ME3: variants seen among roughly 807,000 people sequenced by gnomAD.
ME3 encodes malic enzyme 3.
A neutral mutation model predicts 68.9 loss-of-function variants in ME3; 48 were observed. That is an observed-to-expected ratio of 0.70 (90% CI 0.55 to 0.89). ME3 has a LOEUF of 0.89. Ranked by LOEUF, ME3 falls within the 40% of genes least tolerant of loss-of-function variation. The pLI, the probability that ME3 is intolerant of heterozygous loss-of-function variation, is 0.00. For synonymous variants in ME3, 320 were observed against 318.8 expected (o/e 1.00, Z -0.04); for missense variants, 675 against 797.4 (o/e 0.85, Z 1.85).
At chr11:86,493,783 G>A (rs1003211612) in intron 6 of ME3, among the ~76,000 whole-genome samples, 11 of 152,200 alleles carry the variant, frequency 7.2e-5, no homozygotes, top group Non-Finnish European at 1.5e-5. Context: ...GACAGCAGAT[G>A]TTTTCCTTCA....
chr11:86,488,578 T>C (rs186761877), intron 6 of ME3, among the ~76,000 whole-genome samples: 73 of 152,278 alleles, frequency 4.8e-4, no homozygotes, highest in Non-Finnish European at 8.8e-4. Flanking sequence ...GCTCCTTCCA[T>C]CACAGCAGTC....
intron 4 of ME3, among the ~76,000 whole-genome samples, chr11:86,531,996 A>AG (rs1955280865): frequency 2.0e-5 from 3 of 151,972 alleles, no homozygotes; most frequent in African/African-American, 7.3e-5. Context: ...CCAAACCAAA[A>AG]AAAAACCAGA....
chr11:86,513,881 T>C (rs1413738608), intron 4 of ME3, among the ~76,000 whole-genome samples: 3 of 152,184 alleles, frequency 2.0e-5, no homozygotes, highest in Non-Finnish European at 4.4e-5. Context: ...GAAGATACCA[T>C]TTTCTCCAGC....
At chr11:86,529,484 G>A (rs1267026819) in intron 4 of ME3, among the ~76,000 whole-genome samples, 25 of 152,108 alleles carry the variant, frequency 1.6e-4, no homozygotes, top group Non-Finnish European at 2.9e-5. Context: ...AGAAAAAGAG[G>A]GAATCCTCCC....
intron 2 of ME3, among the ~76,000 whole-genome samples, chr11:86,623,941 C>G (rs1943503916): frequency 6.6e-6 from 1 of 152,216 alleles, no homozygotes; most frequent in Non-Finnish European, 1.5e-5. Context: ...TATGCCCACT[C>G]CCTCTCCAGC....
At chr11:86,631,711 G>A (rs1209596126) in intron 2 of ME3, among the ~76,000 whole-genome samples, 1 of 152,104 alleles carries the variant, frequency 6.6e-6, no homozygotes, top group African/African-American at 2.4e-5. Context: ...GGAAGCCTAC[G>A]GGCTGCCAGG....
chr11:86,658,703 G>A (rs550870718), intron 2 of ME3, among the ~76,000 whole-genome samples: 42 of 151,960 alleles, frequency 2.8e-4, no homozygotes, highest in African/African-American at 9.4e-4. Context: ...GCAGGCCCTC[G>A]CTCCTGGCAC....
At chr11:86,660,252 T>A (rs930963081) in intron 2 of ME3, among the ~76,000 whole-genome samples, 1 of 152,182 alleles carries the variant, frequency 6.6e-6, no homozygotes, top group East Asian at 1.9e-4. Flanking sequence ...GATCCTTCAG[T>A]CTTCCCCTCT....
intron 7 of ME3, among the ~76,000 whole-genome samples, chr11:86,470,245 G>C (rs1162267305): frequency 6.6e-6 from 1 of 152,120 alleles, no homozygotes; most frequent in Non-Finnish European, 1.5e-5. Context: ...CCTCTAAATA[G>C]AATGACTAAA....
intron 7 of ME3, 76 bp from the exon 8 acceptor site, chr11:86,465,276 G>C: frequency 9.0e-7 from 1 of 1,117,232 alleles, no homozygotes; most frequent in Non-Finnish European, 1.4e-6. Context: ...CTTGCACAGT[G>C]GGGTGGGGAG....
chr11:86,534,809 G>A (rs754947558), intron 4 of ME3, among the ~76,000 whole-genome samples: 4 of 152,102 alleles, frequency 2.6e-5, no homozygotes, highest in Non-Finnish European at 5.9e-5. Context: ...TTCCACTTGG[G>A]TTTGCTCTCT....
chr11:86,554,279 T>C (rs553246049), intron 4 of ME3, among the ~76,000 whole-genome samples: 1 of 152,178 alleles, frequency 6.6e-6, no homozygotes, highest in South Asian at 2.1e-4. Context: ...CAGAGTGGGG[T>C]AGACTTGAAT....
intron 4 of ME3, among the ~76,000 whole-genome samples, chr11:86,540,365 T>C (rs1955962747): frequency 6.6e-6 from 1 of 152,182 alleles, no homozygotes; most frequent in African/African-American, 2.4e-5. Context: ...CATTCTCTCT[T>C]ACATGTTAGC....
In ME3 at chr11:86,526,681, C is replaced by T. The variant is rs189116316; in HGVS notation, c.468-17814G>A. Among the ~76,000 whole-genome samples, 331 of 152,288 alleles carry T rather than the reference C, an allele frequency of 2.2e-3. 1 individual carries two copies. The highest frequency in any genetic ancestry group is 7.5e-3 in the African/African-American group (312 of 41,554). On this transcript the variant is annotated intron_variant, in intron 4 of 14. Coordinates refer to ENST00000543262, the Ensembl canonical transcript of ME3. ...CTGTGAGACAAAACTTCCAGAGGAACGATCAGGCAGCAACATTTGCTGTTC... is the reference window on the plus strand; with the variant it reads ...CTGTGAGACAAAACTTCCAGAGGAATGATCAGGCAGCAACATTTGCTGTTC...
chr11:86,573,062 G>T (rs1048836231), intron 2 of ME3, among the ~76,000 whole-genome samples: 3 of 113,916 alleles, frequency 2.6e-5, no homozygotes, highest in African/African-American at 6.3e-5. Context: ...ATGTTTGTTG[G>T]CCGCATAAAT....
intron 2 of ME3, among the ~76,000 whole-genome samples, chr11:86,615,420 G>A (rs953838286): frequency 1.3e-5 from 2 of 152,134 alleles, no homozygotes; most frequent in Non-Finnish European, 2.9e-5. Context: ...TTTTATGGAT[G>A]AAGAAATGGA....
chr11:86,599,600 A>G (rs1365336349), intron 2 of ME3, among the ~76,000 whole-genome samples: 1 of 152,198 alleles, frequency 6.6e-6, no homozygotes, highest in Non-Finnish European at 1.5e-5. Flanking sequence ...AATACAGAGA[A>G]CACCACAAAG....
At chr11:86,515,792 G>A (rs1594252131) in intron 4 of ME3, among the ~76,000 whole-genome samples, 1 of 152,214 alleles carries the variant, frequency 6.6e-6, no homozygotes, top group African/African-American at 2.4e-5. Context: ...CTCTCCTTGA[G>A]AATGAGTCAA....
chr11:86,508,616 A>G (rs1953265338), intron 5 of ME3, among the ~76,000 whole-genome samples, 176 bp downstream of exon 5: 1 of 152,138 alleles, frequency 6.6e-6, no homozygotes, highest in Non-Finnish European at 1.5e-5. Context: ...GTTAATGCAA[A>G]CCTCTGCTCT....
Sources: allele counts gnomAD v4.1 joint callset (sites outside exome capture counted in the v4.1 genomes callset), GRCh38; gene constraint gnomAD v4.1.1; transcripts MANE v1.5; gene names NCBI Gene and HGNC (gene_info 2026-07-23, HGNC 2026-07-21).